Variants in NRG1 observed in about 807,000 individuals in gnomAD.
NRG1 encodes the protein neuregulin 1.
Under a neutral mutation model 63.8 loss-of-function variants are expected in NRG1, and 18 were observed. That is an observed-to-expected ratio of 0.28 (90% CI 0.19 to 0.42). NRG1 has a LOEUF of 0.42. Ranked by LOEUF, NRG1 falls within the 10% of genes least tolerant of loss-of-function variation. NRG1 has a pLI of 1.00. For synonymous variants in NRG1, 302 were observed against 301.3 expected (o/e 1.00, Z -0.02); for missense variants, 762 against 814.7 (o/e 0.94, Z 0.79).
chr8:32,587,686 T>G (rs1841854836), intron 1 of NRG1, among the ~76,000 whole-genome samples: 1 of 152,182 alleles, frequency 6.6e-6, no homozygotes, highest in South Asian at 2.1e-4. Flanking sequence ...CTTGAAGTCC[T>G]ACTTTGGGTT....
chr8:31,901,920 G>A (rs1171573021), intron 1 of NRG1, among the ~76,000 whole-genome samples: 1 of 152,130 alleles, frequency 6.6e-6, no homozygotes. Context: ...GTCATTATCT[G>A]TTCTGTTTCC....
At chr8:32,728,883 G>A (rs936069053) in intron 6 of NRG1, among the ~76,000 whole-genome samples, 7 of 152,136 alleles carry the variant, frequency 4.6e-5, no homozygotes, top group Non-Finnish European at 7.4e-5. Flanking sequence ...GGCTAACACC[G>A]TGAAACCCCG....
At chr8:32,565,782 G>T (rs1022010823) in intron 1 of NRG1, among the ~76,000 whole-genome samples, 1 of 152,112 alleles carries the variant, frequency 6.6e-6, no homozygotes, top group Non-Finnish European at 1.5e-5. Flanking sequence ...ATTTCAGTTT[G>T]TGTTGGTTCT....
intron 1 of NRG1, among the ~76,000 whole-genome samples, chr8:31,891,285 T>C (rs539150990): frequency 6.6e-6 from 1 of 152,182 alleles, no homozygotes; most frequent in African/African-American, 2.4e-5. Flanking sequence ...AAGTCAACAG[T>C]AAAAAATTTT....
intron 1 of NRG1, among the ~76,000 whole-genome samples, chr8:31,823,029 A>G (rs1824155394): frequency 6.6e-6 from 1 of 151,940 alleles, no homozygotes; most frequent in African/African-American, 2.4e-5. Context: ...GACAGCCAGC[A>G]GAGATGGAAC....
chr8:31,880,870 T>C (rs1193057119), intron 1 of NRG1, among the ~76,000 whole-genome samples: 1 of 152,192 alleles, frequency 6.6e-6, no homozygotes, highest in Non-Finnish European at 1.5e-5. Flanking sequence ...AATAATATTG[T>C]TTTTGAAAAT....
chr8:31,803,668 C>A (rs753235728), intron 1 of NRG1, among the ~76,000 whole-genome samples: 1 of 152,166 alleles, frequency 6.6e-6, no homozygotes, highest in Non-Finnish European at 1.5e-5. Context: ...GGCAAAATGA[C>A]CTTTTAAAAA....
At chr8:32,498,076 G>A (rs1444354255) in intron 1 of NRG1, among the ~76,000 whole-genome samples, 3 of 152,110 alleles carry the variant, frequency 2.0e-5, no homozygotes, top group Non-Finnish European at 4.4e-5. Context: ...ACTCACCTCG[G>A]CCTCCCAAAG....
chr8:32,510,574 C>T (rs1287057290), intron 1 of NRG1, among the ~76,000 whole-genome samples: 5 of 152,190 alleles, frequency 3.3e-5, no homozygotes, highest in Non-Finnish European at 7.4e-5. Context: ...TCTATTCCTG[C>T]CTGTTCTTTG....
At chr8:31,852,535 A>G (rs1208267247) in intron 1 of NRG1, among the ~76,000 whole-genome samples, 1 of 151,924 alleles carries the variant, frequency 6.6e-6, no homozygotes, top group Non-Finnish European at 1.5e-5. Flanking sequence ...GTAGGTTGCA[A>G]AAATTTTCTC....
chr8:31,739,935 C>G (rs775487400), intron 1 of NRG1, among the ~76,000 whole-genome samples: 1 of 152,052 alleles, frequency 6.6e-6, no homozygotes, highest in Admixed American at 6.6e-5. Flanking sequence ...TAAAAAGACA[C>G]AGGCACTACC....
chr8:31,763,437 T>G (rs1251716150), intron 1 of NRG1, among the ~76,000 whole-genome samples: 2 of 152,182 alleles, frequency 1.3e-5, no homozygotes, highest in Non-Finnish European at 2.9e-5. Context: ...ACAAGCTGGG[T>G]CCACACCAGA....
intron 5 of NRG1, among the ~76,000 whole-genome samples, chr8:32,624,351 C>G (rs895652085): frequency 1.3e-5 from 2 of 152,100 alleles, no homozygotes; most frequent in Non-Finnish European, 2.9e-5. Flanking sequence ...ATGGGCTCAG[C>G]CCCATGGGAA....
At chr8:32,284,477 C>CCCTGCCTGCCTGCGTG (rs1554497394) in intron 1 of NRG1, among the ~76,000 whole-genome samples, 29 of 141,220 alleles carry the variant, frequency 2.1e-4, no homozygotes, top group African/African-American at 6.0e-4. Flanking sequence ...ATGCTTGCCT[C>CCCTGCCTGCCTGCGTG]CCTGCCTGCC....
chr8:32,304,756 C>CT (rs1472083718), intron 1 of NRG1, among the ~76,000 whole-genome samples: 1 of 152,060 alleles, frequency 6.6e-6, no homozygotes, highest in Non-Finnish European at 1.5e-5. Context: ...TGTCTCACAC[C>CT]TGTAATCCCA....
chr8:32,619,465 C>T (rs1266585875), intron 5 of NRG1, among the ~76,000 whole-genome samples: 1 of 152,156 alleles, frequency 6.6e-6, no homozygotes, highest in East Asian at 1.9e-4. Context: ...AATGGAATCA[C>T]TCTGGCTCCT....
chr8:32,207,913 T>A (rs1844245052), intron 1 of NRG1, among the ~76,000 whole-genome samples: 1 of 152,154 alleles, frequency 6.6e-6, no homozygotes, highest in South Asian at 2.1e-4. Flanking sequence ...ACATTCTCAC[T>A]CCCTTTTGAT....
rs1032820927 is a variant in NRG1 at position 31,827,890 on chromosome 8, C to T, written c.37+188459C>T. On this transcript the variant is annotated intron_variant, in intron 1 of 10. Transcript: ENST00000519301. ...ACAATTTAGCATAATAAAGATCTGG[C>T]CTTATATTCATAGGATCTAGCCAGG... Among the ~76,000 whole-genome samples, 4 of 152,132 alleles carry T rather than the reference C, an allele frequency of 2.6e-5. 1 individual carries two copies. Among genetic ancestry groups the T allele is most frequent in the Admixed American group, 2.6e-4 (4 of 15,272 alleles).
intron 1 of NRG1, among the ~76,000 whole-genome samples, chr8:31,674,944 C>T: frequency 6.6e-6 from 1 of 152,178 alleles, no homozygotes; most frequent in East Asian, 1.9e-4. Context: ...GATGCAGGAC[C>T]CTTCTCTGAG....
Sources: gnomAD v4.1 joint callset for allele counts (sites outside exome capture counted in the v4.1 genomes callset) on GRCh38, gnomAD v4.1.1 for gene constraint, MANE v1.5 for transcripts, NCBI Gene and HGNC (gene_info 2026-07-23, HGNC 2026-07-21) for gene names.